The following ITGA5 variants were observed in gnomAD, a reference collection of about 807,000 sequenced individuals.
ITGA5 encodes the protein integrin subunit alpha 5.
In ITGA5, 55 loss-of-function variants were observed where a neutral mutation model predicts 146.3. The ratio of observed to expected loss-of-function variants is 0.38; its 90% CI spans 0.30 to 0.47. The LOEUF is 0.47. ITGA5 is among the 20% of genes least tolerant of loss of function. The probability of loss-of-function intolerance (pLI) is 0.99; values close to 1 mark genes in which losing one functional copy is unlikely to be tolerated. For missense variants in ITGA5, 1,131 were observed against 1,329.0 expected (o/e 0.85, Z 2.32); for synonymous variants, 500 against 531.8 (o/e 0.94, Z 0.82).
In ITGA5 at chr12:54,407,815, C is replaced by T. The variant is rs890787141; in HGVS notation, c.862+17G>A. The T allele has an allele frequency of 1.6e-5, 25 of 1,607,074 alleles. No individual in the cohort carries two copies. Among genetic ancestry groups the T allele is most frequent in the Non-Finnish European group, 2.0e-5 (24 of 1,175,762 alleles). On this transcript the variant is annotated intron_variant, in intron 8 of 29. Transcript: ENST00000293379. Reference sequence around the variant, plus strand: ...AACCATCCCCCTCCCTTGGCCCCAGCCTGGGGACACACTCACCTTCTGTGT... The same window carrying T: ...AACCATCCCCCTCCCTTGGCCCCAGTCTGGGGACACACTCACCTTCTGTGT...
chr12:54,414,542 T>C (rs1955981687), intron 1 of ITGA5, among the ~76,000 whole-genome samples: 1 of 152,142 alleles, frequency 6.6e-6, no homozygotes, highest in Admixed American at 6.5e-5. Context: ...TAGATGTTTT[T>C]GGTTAATAAA....
chr12:54,405,996 G>C, intron 9 of ITGA5, 70 bp from the exon 10 acceptor site: 6 of 1,364,858 alleles, frequency 4.4e-6, no homozygotes, highest in Non-Finnish European at 6.3e-6. Flanking sequence ...GAACAGATGT[G>C]TACAGGACAC....
chr12:54,403,097 G>T lies in ITGA5; in HGVS notation c.1915-47C>A. The T allele has an allele frequency of 6.2e-7, 1 of 1,611,850 alleles. No individual in the cohort carries two copies. Among genetic ancestry groups the T allele is most frequent in the South Asian group, 1.1e-5 (1 of 90,918 alleles). On this transcript the variant is annotated intron_variant, in intron 18 of 29. Coordinates refer to ENST00000293379, the MANE Select transcript of ITGA5 (RefSeq NM_002205.5). The surrounding 1 kb of genome is among the most constrained non-coding windows in gnomAD (Gnocchi z 4.9). ...AGAGGGGAAGTTTAGACCCATTCCT[G>T]GGCTGTAGGCTCTTCTCTTTCCATG...
In ITGA5 at chr12:54,405,292, C is replaced by T. The variant is rs949081104; in HGVS notation, c.1099G>A (p.Val367Ile). Residue 367 changes from valine to isoleucine, a missense_variant, in exon 12 of 30, where the codon GTC becomes ATC. Val to Ile is a conservative substitution (Grantham distance 29, BLOSUM62 3). Coordinates refer to ENST00000293379, the MANE Select transcript of ITGA5 (RefSeq NM_002205.5). ...ATGCCGGCTGGGTGCTGCAGGTAGA[C>T]GTAGACCCTGCCCACCTCCTGAGGC... ...GRPQEVGRVY[V>I]YLQHPAGIEP... The T allele has an allele frequency of 1.2e-5, 19 of 1,613,704 alleles. No homozygotes were observed. The highest frequency in any genetic ancestry group is 1.7e-4 in the Middle Eastern group (1 of 5,972).
intron 28 of ITGA5, 38 bp from the exon 29 acceptor site, chr12:54,397,525 A>C: frequency 6.2e-7 from 1 of 1,611,962 alleles, no homozygotes. Context: ...GAAAGCTCAG[A>C]AGTTCTTTCT....
Position 54,409,979 on chromosome 12 carries a change from C to T in ITGA5, c.350-382G>A, listed in dbSNP as rs1955921261. 6.6e-6 allele frequency among the ~76,000 whole-genome samples: 1 copy of T among 151,992 alleles called. No homozygotes were observed. The highest frequency in any genetic ancestry group is 2.1e-4 in the South Asian group (1 of 4,808). ...TCAAGGGATTCTCCTGCCTCAGCCT[C>T]CTCAGTAGCTGGGATTACAGGTGCG... is the stretch of plus-strand genomic sequence containing the variant. On this transcript the variant is annotated intron_variant, in intron 2 of 29. Transcript: ENST00000293379. The surrounding 1 kb of genome is among the most constrained non-coding windows in gnomAD (Gnocchi z 4.7).
rs982423374 is a variant in ITGA5 at position 54,409,440 on chromosome 12, G to C, written c.462+45C>G. On this transcript the variant is annotated intron_variant, in intron 3 of 29. Transcript: ENST00000293379. This position sits in a 1 kb window ranked among gnomAD's most constrained non-coding sequence, Gnocchi z 4.7. ...CCAGGCCCGGCCTTACCCAACCACT[G>C]CCCATCCCCTGGCCACCACACCACT... The C allele has an allele frequency of 6.2e-7, 1 of 1,609,484 alleles. No individual in the cohort carries two copies. Among genetic ancestry groups the C allele is most frequent in the East Asian group, 2.2e-5 (1 of 44,848 alleles).
rs1294899659 is a variant in ITGA5 at position 54,400,142 on chromosome 12, A to G, written c.2644-195T>C. On this transcript the variant is annotated intron_variant, in intron 25 of 29. Coordinates refer to ENST00000293379, the MANE Select transcript of ITGA5 (RefSeq NM_002205.5). Reference sequence around the variant, plus strand: ...AATGAGGAAAACTTGGTTCTTGGAGATCACACTGGAGGAGATGCTTAAGTA... The same window carrying G: ...AATGAGGAAAACTTGGTTCTTGGAGGTCACACTGGAGGAGATGCTTAAGTA... The G allele has an allele frequency of 2.9e-5, 17 of 582,452 alleles. No individual in the cohort carries two copies. The East Asian group carries it at 4.6e-4, about 16-fold the overall frequency. 36.1% of individuals were successfully genotyped at this position (582,452 alleles called of 1,614,324 possible).
At position 54,402,224 on chromosome 12, in the gene ITGA5, C is replaced by T. The variant is rs200224397; in HGVS notation, c.2089G>A (p.Ala697Thr). 2.7e-5 allele frequency: 44 copies of T among 1,614,044 alleles called. No homozygotes were observed. In the Admixed American group the frequency reaches 3.2e-4, roughly 12 times the overall value. ...CCTGAGTACTCAGCCTCTGGAGGGG[C>T]GGTGACCCGAAGCTCAGCCTCATAG... ...GAYEAELRVT[A>T]PPEAEYSGLV... The change falls in exon 20 of 30, where the codon GCC becomes ACC. Residue 697 changes from alanine to threonine, a missense_variant. Transcript: ENST00000293379.
At chr12:54,408,387 G>A in intron 6 of ITGA5, 152 bp from the exon 7 acceptor site, 1 of 843,704 alleles carries the variant, frequency 1.2e-6, no homozygotes. Flanking sequence ...AAAGGAAGAG[G>A]AGAATTGGGA....
rs763233304 is a variant in ITGA5 at position 54,403,328 on chromosome 12, G to A, written c.1777-4C>T. The A allele has an allele frequency of 4.0e-6, 6 of 1,517,636 alleles. No homozygotes were observed. The Admixed American group carries it at 1.1e-4, about 28-fold the overall frequency. The allele number at this position is 1,517,636 out of a possible 1,614,324, so 94.0% of individuals were successfully genotyped here. A position where few individuals can be genotyped will look rare whatever the true frequency, so the allele number is the denominator to read the frequency against. On this transcript the variant is annotated splice_region_variant and splice_polypyrimidine_tract_variant and intron_variant, in intron 17 of 29. Coordinates refer to ENST00000293379, the MANE Select transcript of ITGA5 (RefSeq NM_002205.5). The surrounding 1 kb of genome is among the most constrained non-coding windows in gnomAD (Gnocchi z 4.9). ...TGTCTCGAAATTCTGACTCGTTCTG[G>A]GGCCAGAGGAGAGAGTTCACGGAGT... is the stretch of plus-strand genomic sequence containing the variant.
rs1592288826 is a variant in ITGA5, at chr12:54,405,853, T to G, written c.963+17A>C. On this transcript the variant is annotated intron_variant, in intron 10 of 29. Transcript: ENST00000293379. ...TGACAGAGGCCAAGCTGGGGTGGGG[T>G]TGAGGGGTATCCTTACCTGTTCCCC... is the stretch of plus-strand genomic sequence containing the variant. 1 of 1,612,580 alleles carries G rather than the reference T, an allele frequency of 6.2e-7. No homozygotes were observed. Among genetic ancestry groups the G allele is most frequent in the Non-Finnish European group, 8.5e-7 (1 of 1,178,738 alleles).
At chr12:54,405,505 T>C in intron 11 of ITGA5, 131 bp from the exon 12 acceptor site, 1 of 1,007,548 alleles carries the variant, frequency 9.9e-7, no homozygotes, top group African/African-American at 1.6e-5. Flanking sequence ...TCATCAGCTC[T>C]CAGCTCTTTC....
intron 28 of ITGA5, among the ~76,000 whole-genome samples, chr12:54,398,248 G>C (rs1323272161): frequency 6.6e-6 from 1 of 152,164 alleles, no homozygotes; most frequent in Non-Finnish European, 1.5e-5. Context: ...TGAATGGCTA[G>C]CCTGGTTAGT....
rs944577867 is a variant in ITGA5 at position 54,416,117 on chromosome 12, C to T, written c.218+2864G>A. Among the ~76,000 whole-genome samples the T allele has an allele frequency of 6.6e-5, 10 of 152,092 alleles. No homozygotes were observed. The highest frequency in any genetic ancestry group is 1.2e-4 in the African/African-American group (5 of 41,408). The stretch of plus-strand genomic sequence containing the variant: ...CTCACTCTGTCGCCCAGTCTGGGGT[C>T]GCTCAGTACAGATGTGATCTCAGCT... On this transcript the variant is annotated intron_variant, in intron 1 of 29. Transcript: ENST00000293379. The surrounding 1 kb of genome is among the most constrained non-coding windows in gnomAD (Gnocchi z 4.1).
intron 2 of ITGA5, among the ~76,000 whole-genome samples, chr12:54,411,484 A>T (rs1955942891): frequency 6.6e-6 from 1 of 152,168 alleles, no homozygotes; most frequent in African/African-American, 2.4e-5. Context: ...AGTGCCTGTC[A>T]TGCACTGTCA....
rs1955793720 is a variant in ITGA5, at chr12:54,402,102, G to A, written c.2134-9C>T. The A allele has an allele frequency of 6.2e-7, 1 of 1,614,080 alleles. No individual in the cohort carries two copies. The highest frequency in any genetic ancestry group is 1.6e-4 in the Middle Eastern group (1 of 6,062). ...CTCAGGCTGGAGAAGTTCTGGAGAT[G>A]GGGTGGGCACTGGTCAGGTTTTGGT... On this transcript the variant is annotated splice_polypyrimidine_tract_variant and intron_variant, in intron 20 of 29. Coordinates refer to ENST00000293379, the MANE Select transcript of ITGA5 (RefSeq NM_002205.5).
intron 10 of ITGA5, 45 bp downstream of exon 10, chr12:54,405,825 C>T (rs759023432): frequency 2.2e-5 from 35 of 1,604,698 alleles, no homozygotes; most frequent in East Asian, 8.9e-5. Context: ...GCTGGGGCTT[C>T]GTTGACAGAG....
intron 27 of ITGA5, 133 bp from the exon 28 acceptor site, chr12:54,398,831 C>CT: frequency 2.2e-6 from 1 of 449,336 alleles, no homozygotes; most frequent in South Asian, 3.0e-5. Flanking sequence ...CTCTCTCTCT[C>CT]TCTCTTTTTT....
Sources: allele counts gnomAD v4.1 joint callset (sites outside exome capture counted in the v4.1 genomes callset), GRCh38; gene constraint gnomAD v4.1.1; non-coding constraint Gnocchi (gnomAD v3.1); transcripts MANE v1.5; gene names NCBI Gene and HGNC (gene_info 2026-07-23, HGNC 2026-07-21).